PLAA: variants seen among roughly 807,000 people sequenced by gnomAD.
PLAA encodes phospholipase A2 activating protein.
PLAA carries 48 observed loss-of-function variants against 84.1 expected under a neutral mutation model. The observed-to-expected ratio is 0.57, with a 90% confidence interval of 0.45 to 0.73. PLAA has a LOEUF of 0.73. Ranked by LOEUF, PLAA falls within the 30% of genes least tolerant of loss-of-function variation. PLAA has a pLI of 0.00. For synonymous variants in PLAA, 392 were observed against 336.6 expected, an observed-to-expected ratio of 1.16 and a Z score of -1.80; for missense variants, 903 against 954.7, an observed-to-expected ratio of 0.95 and a Z score of 0.71.
chr9:26,923,502 G>T (rs1824841221), intron 6 of PLAA, among the ~76,000 whole-genome samples, 155 bp from the exon 7 acceptor site: 1 of 152,166 alleles, frequency 6.6e-6, no homozygotes, highest in Admixed American at 6.5e-5. Flanking sequence ...GCTGACTTCA[G>T]CACATGCTAC....
At chr9:26,915,193 G>A (rs1300813154) in intron 10 of PLAA, among the ~76,000 whole-genome samples, 4 of 145,542 alleles carry the variant, frequency 2.7e-5, no homozygotes, top group Non-Finnish European at 4.5e-5. Context: ...GCCTGGGCAA[G>A]AAGAACAAAA....
intron 1 of PLAA, among the ~76,000 whole-genome samples, chr9:26,936,130 T>A (rs911548521): frequency 7.6e-4 from 115 of 152,020 alleles, no homozygotes; most frequent in Non-Finnish European, 1.6e-4. Context: ...GAGGTAAGAC[T>A]CCCAGATAAA....
chr9:26,909,534 C>A (rs905743181), intron 12 of PLAA, among the ~76,000 whole-genome samples: 1 of 151,560 alleles, frequency 6.6e-6, no homozygotes, highest in Non-Finnish European at 1.5e-5. Context: ...TAGTCCAAGA[C>A]AACAACAACA....
At chr9:26,945,080 T>C (rs781227900) in intron 1 of PLAA, among the ~76,000 whole-genome samples, 5 of 152,176 alleles carry the variant, frequency 3.3e-5, no homozygotes, top group Non-Finnish European at 5.9e-5. Flanking sequence ...TGAGCCAAGA[T>C]TGTGCCATTG....
intron 2 of PLAA, among the ~76,000 whole-genome samples, chr9:26,931,530 T>C (rs1280162089): frequency 6.6e-6 from 1 of 152,064 alleles, no homozygotes; most frequent in Non-Finnish European, 1.5e-5. Flanking sequence ...TGTGATACAA[T>C]AGAAAATACA....
At chr9:26,934,968 G>C (rs759298371) in intron 2 of PLAA, 45 bp downstream of exon 2, 1 of 1,339,152 alleles carries the variant, frequency 7.5e-7, no homozygotes, top group African/African-American at 1.5e-5. Flanking sequence ...CTTTCAAAGG[G>C]ATAAAACTTC....
intron 2 of PLAA, among the ~76,000 whole-genome samples, chr9:26,932,583 T>C (rs965240275): frequency 6.6e-6 from 1 of 152,214 alleles, no homozygotes; most frequent in Non-Finnish European, 1.5e-5. Flanking sequence ...TTATTTACTA[T>C]CTGATCCTTT....
chr9:26,945,686 A>G (rs1217278124), intron 1 of PLAA, among the ~76,000 whole-genome samples: 1 of 152,196 alleles, frequency 6.6e-6, no homozygotes, highest in Non-Finnish European at 1.5e-5. Flanking sequence ...GAAGGCTTCC[A>G]TCTGCAAACT....
intron 1 of PLAA, among the ~76,000 whole-genome samples, chr9:26,940,155 A>C (rs72719536): frequency 6.6e-6 from 1 of 152,202 alleles, no homozygotes; most frequent in Admixed American, 6.5e-5. Context: ...CCATTTCTGG[A>C]TATATTCCCA....
intron 7 of PLAA, among the ~76,000 whole-genome samples, chr9:26,921,420 G>A (rs1163347438): frequency 6.6e-6 from 1 of 152,180 alleles, no homozygotes; most frequent in African/African-American, 2.4e-5. Context: ...AGTGGAATCT[G>A]GGTGGATGTG....
chr9:26,913,983 A>T (rs1402461521), intron 10 of PLAA, 36 bp from the exon 11 acceptor site: 1 of 1,445,650 alleles, frequency 6.9e-7, no homozygotes, highest in South Asian at 1.2e-5. Flanking sequence ...AGCAAAGGTG[A>T]CTGTAAATTA....
Position 26,913,865 on chromosome 9 carries a change from TA to T in PLAA, c.1555+13del. On this transcript the variant is annotated intron_variant, in intron 11 of 13. Coordinates refer to ENST00000397292, the MANE Select transcript of PLAA (RefSeq NM_001031689.3). The stretch of plus-strand genomic sequence containing the variant: ...AAAATCTAAAAAAAAGAAAAAGAAA[TA>T]AAAAGTATGTACCTGTAAATGGATC... The T allele has an allele frequency of 6.5e-7, 1 of 1,542,220 alleles. No individual in the cohort carries two copies. Among genetic ancestry groups the T allele is most frequent in the African/African-American group, 1.4e-5 (1 of 72,296 alleles).
intron 2 of PLAA, among the ~76,000 whole-genome samples, chr9:26,930,387 G>C (rs573093138): frequency 1.3e-5 from 2 of 151,892 alleles, no homozygotes; most frequent in African/African-American, 4.8e-5. Flanking sequence ...ACAGGCATGA[G>C]CCACTTCGCC....
chr9:26,926,951 A>G (rs1484755726), intron 4 of PLAA, among the ~76,000 whole-genome samples: 1 of 151,990 alleles, frequency 6.6e-6, no homozygotes, highest in East Asian at 1.9e-4. Flanking sequence ...TAAGAACAAA[A>G]CATTCTCTGA....
intron 1 of PLAA, among the ~76,000 whole-genome samples, chr9:26,935,445 G>A (rs957449981): frequency 2.6e-5 from 4 of 152,004 alleles, no homozygotes; most frequent in Admixed American, 2.0e-4. Flanking sequence ...TTAACATAGA[G>A]AACAAGGAAA....
chr9:26,937,527 A>T (rs1825399486), intron 1 of PLAA, among the ~76,000 whole-genome samples: 1 of 152,212 alleles, frequency 6.6e-6, no homozygotes, highest in South Asian at 2.1e-4. Flanking sequence ...AGTATGGCCC[A>T]TTCAAAGGAA....
In PLAA at chr9:26,913,755, T is replaced by C. The variant is rs892551669; in HGVS notation, c.1555+124A>G. 8 of 622,884 alleles carry C rather than the reference T, an allele frequency of 1.3e-5. No homozygotes were observed. In the Middle Eastern group the frequency reaches 1.8e-3, roughly 137 times the overall value. The allele number at this position is 622,884 out of a possible 1,614,324, so 38.6% of individuals were successfully genotyped here. On this transcript the variant is annotated intron_variant, in intron 11 of 13. Coordinates refer to ENST00000397292, the MANE Select transcript of PLAA (RefSeq NM_001031689.3). ...AACTCAAAAAGCCAGACAAGTTTGG[T>C]CTCGATTTACTATATAAAAAGTTCT...
At chr9:26,939,775 C>A (rs555485365) in intron 1 of PLAA, among the ~76,000 whole-genome samples, 1 of 151,674 alleles carries the variant, frequency 6.6e-6, no homozygotes, top group South Asian at 2.1e-4. Context: ...CAAAATTGAC[C>A]TTAAATCAAA....
chr9:26,927,121 G>GTTTTTATTTTT, intron 4 of PLAA, among the ~76,000 whole-genome samples: 1 of 111,148 alleles, frequency 9.0e-6, no homozygotes, highest in East Asian at 5.6e-4. Context: ...TACTTTTTTT[G>GTTTTTATTTTT]TTTTTCTTTT....
Sources: gnomAD v4.1 joint callset for allele counts (sites outside exome capture counted in the v4.1 genomes callset) on GRCh38, gnomAD v4.1.1 for gene constraint, MANE v1.5 for transcripts, NCBI Gene and HGNC (gene_info 2026-07-23, HGNC 2026-07-21) for gene names.